Variants in PCCB observed in about 807,000 individuals in gnomAD.
The protein encoded by PCCB is propionyl-CoA carboxylase subunit beta.
In PCCB, 43 loss-of-function variants were observed where a neutral mutation model predicts 60.7. The ratio of observed to expected loss-of-function variants is 0.71; its 90% CI spans 0.55 to 0.91. The LOEUF is 0.91. PCCB is among the 40% of genes least tolerant of loss of function. The probability of loss-of-function intolerance (pLI) is 0.00; values close to 1 mark genes in which losing one functional copy is unlikely to be tolerated. For missense variants in PCCB, 766 were observed against 702.8 expected (o/e 1.09, Z -1.02); for synonymous variants, 276 against 255.9 (o/e 1.08, Z -0.75).
intron 9 of PCCB, among the ~76,000 whole-genome samples, chr3:136,308,339 T>G (rs897268820): frequency 6.6e-6 from 1 of 151,358 alleles, no homozygotes; most frequent in Non-Finnish European, 1.5e-5. Context: ...GTTCAAGTGA[T>G]TCTCCTGCCT....
chr3:136,327,226 G>T lies in PCCB; in HGVS notation c.1270G>T (p.Val424Leu). Reference sequence around the variant, plus strand: ...TCTCTACGCATTTGCTGAGGCAACTGTACCCAAAGTCACAGTCATCACCAG... The same window carrying T: ...TCTCTACGCATTTGCTGAGGCAACTTTACCCAAAGTCACAGTCATCACCAG... ...KLLYAFAEAT[V>L]PKVTVITRKA... is the part of the protein sequence containing the mutation. The change falls in exon 12 of 15, where the codon GTA becomes TTA. Residue 424 changes from valine to leucine, a missense_variant. By Grantham distance (32) the Val-to-Leu change is conservative (BLOSUM62 1). Coordinates refer to ENST00000251654, the MANE Select transcript of PCCB (RefSeq NM_000532.5). The T allele has an allele frequency of 6.2e-7, 1 of 1,614,144 alleles. No individual in the cohort carries two copies. Among genetic ancestry groups the T allele is most frequent in the Non-Finnish European group, 8.5e-7 (1 of 1,179,966 alleles).
intron 5 of PCCB, among the ~76,000 whole-genome samples, chr3:136,269,083 C>G (rs1942116544): frequency 6.6e-6 from 1 of 152,028 alleles, no homozygotes. Context: ...AAGTTCGAGA[C>G]TAGCCTGGCT....
chr3:136,268,122 GTA>G (rs1410337209), intron 5 of PCCB, among the ~76,000 whole-genome samples: 38 of 74,840 alleles, frequency 5.1e-4, no homozygotes, highest in Middle Eastern at 6.6e-3. Context: ...ATATATATAT[GTA>G]TATATATATA....
At chr3:136,319,386 ATT>A (rs796339351) in intron 10 of PCCB, among the ~76,000 whole-genome samples, 9 of 138,228 alleles carry the variant, frequency 6.5e-5, no homozygotes, top group Admixed American at 7.2e-5. Context: ...TTGATACACA[ATT>A]TTTTTTTTTT....
intron 7 of PCCB, 37 bp downstream of exon 7, chr3:136,293,901 C>T (rs1933817563): frequency 8.2e-7 from 1 of 1,222,752 alleles, no homozygotes; most frequent in Admixed American, 1.7e-5. Context: ...TGTTTTCAAA[C>T]ATTGAGAAGA....
chr3:136,253,565 A>G (rs1941583511), intron 1 of PCCB, among the ~76,000 whole-genome samples: 1 of 150,706 alleles, frequency 6.6e-6, no homozygotes, highest in Non-Finnish European at 1.5e-5. Context: ...TTGTATTTTT[A>G]GTAGAGACGG....
At position 136,301,111 on chromosome 3, in the gene PCCB, T is replaced by C. The variant is rs1269805994; in HGVS notation, c.966T>C (p.Ser322=). ...ACAACATGGTGGACATCATACACTC[T>C]GTAAGTGCCACATCTGTTTGTCTTG... ...KAYNMVDIIH[S]VVDEREFFEI... is the part of the protein sequence containing the mutation. The change falls in exon 9 of 15, where the codon TCT becomes TCC. Residue 322 remains serine (S), a splice_region_variant and synonymous_variant. Coordinates refer to ENST00000251654, the MANE Select transcript of PCCB (RefSeq NM_000532.5). The C allele has an allele frequency of 1.8e-5, 29 of 1,610,152 alleles. No individual in the cohort carries two copies. Among genetic ancestry groups the C allele is most frequent in the Non-Finnish European group, 2.4e-5 (28 of 1,176,282 alleles).
chr3:136,311,204 T>C (rs755862296), intron 9 of PCCB, among the ~76,000 whole-genome samples: 20 of 152,104 alleles, frequency 1.3e-4, no homozygotes, highest in Non-Finnish European at 1.8e-4. Flanking sequence ...AAACAATACT[T>C]GAGGAACAGG....
chr3:136,328,395 C>A (rs188898253), intron 13 of PCCB, among the ~76,000 whole-genome samples: 15 of 152,262 alleles, frequency 9.9e-5, no homozygotes, highest in Non-Finnish European at 1.9e-4. Context: ...CATTTAATTC[C>A]CCTTGATACA....
At chr3:136,283,174 T>C (rs181842867) in intron 5 of PCCB, among the ~76,000 whole-genome samples, 77 of 152,316 alleles carry the variant, frequency 5.1e-4, no homozygotes, top group Non-Finnish European at 3.2e-4. Flanking sequence ...AATTTGGAAG[T>C]AGGGCAAAGA....
chr3:136,327,122 TGTGGGTATCTA>T, intron 11 of PCCB, 22 bp from the exon 12 acceptor site: 4 of 1,583,976 alleles, frequency 2.5e-6, no homozygotes, highest in Non-Finnish European at 3.5e-6. Context: ...TGTGAGGACT[TGTGGGTATCTA>T]GTAACTCTTC....
At position 136,283,915 on chromosome 3, in the gene PCCB, C is replaced by T. The variant is rs750408713; in HGVS notation, c.622C>T (p.Pro208Ser). The T allele has an allele frequency of 1.2e-6, 2 of 1,613,050 alleles. No homozygotes were observed. The highest frequency in any genetic ancestry group is 1.7e-6 in the Non-Finnish European group (2 of 1,179,120). Residue 208 changes from proline to serine, a missense_variant, in exon 6 of 15, where the codon CCA becomes TCA. Physicochemically the swap from Pro to Ser is moderately conservative, Grantham distance 74. Transcript: ENST00000251654. Reference protein sequence around the residue: ...GPCAGGAVYSPALTDFTFMVK... With the variant: ...GPCAGGAVYSSALTDFTFMVK... ...ATGTGCTGGTGGGGCCGTCTACTCCCCAGCCCTAACAGACTTCACGTTCAT... is the reference window on the plus strand; with the variant it reads ...ATGTGCTGGTGGGGCCGTCTACTCCTCAGCCCTAACAGACTTCACGTTCAT...
chr3:136,304,318 C>G (rs1321512173), intron 9 of PCCB, among the ~76,000 whole-genome samples: 2 of 120,102 alleles, frequency 1.7e-5, no homozygotes, highest in African/African-American at 5.0e-5. Context: ...CCACATCTGG[C>G]TAATTTTAAA....
In PCCB at chr3:136,264,430, A is replaced by G. The variant is rs534951511; in HGVS notation, c.543+2365A>G. 3.7e-3 allele frequency among the ~76,000 whole-genome samples: 481 copies of G among 129,360 alleles called. 6 individuals carry two copies. The highest frequency in any genetic ancestry group is 0.013 in the African/African-American group (392 of 30,430). The allele number at this position is 129,360 out of a possible 152,430, so 84.9% of individuals were successfully genotyped here. A position where few individuals can be genotyped will look rare whatever the true frequency, so the allele number is the denominator to read the frequency against. On this transcript the variant is annotated intron_variant, in intron 5 of 14. Transcript: ENST00000251654. The stretch of plus-strand genomic sequence containing the variant: ...CTTTCTGTCTCTGTCTCTCATATAT[A>G]TGTGTGTGTGTATATATGTATATAT...
At chr3:136,287,391 G>A (rs1933467116) in intron 6 of PCCB, among the ~76,000 whole-genome samples, 1 of 150,066 alleles carries the variant, frequency 6.7e-6, no homozygotes, top group Admixed American at 6.7e-5. Context: ...TAGCTGTGTA[G>A]TAAGTGTGTG....
intron 3 of PCCB, chr3:136,260,053 A>C (rs968271649): frequency 4.5e-5 from 12 of 268,168 alleles, no homozygotes; most frequent in Non-Finnish European, 7.1e-5. Context: ...TGCCCGGGCA[A>C]CTTTTTTTGT....
rs1553774114 is a variant in PCCB at position 136,256,570 on chromosome 3, G to A, written c.319G>A (p.Val107Met). 3.7e-6 allele frequency: 6 copies of A among 1,612,552 alleles called. No homozygotes were observed. Among genetic ancestry groups the A allele is most frequent in the Non-Finnish European group, 5.1e-6 (6 of 1,178,606 alleles). Residue 107 changes from valine to methionine, a missense_variant, in exon 3 of 15, where the codon GTG (valine) becomes ATG (methionine). Transcript: ENST00000251654. Reference protein sequence around the residue: ...ADKNKFPGDSVVTGRGRINGR... With the variant: ...ADKNKFPGDSMVTGRGRINGR... ...TTTCTGGTAGTTTCCTGGAGACAGC[G>A]TGGTCACTGGACGAGGCCGAATCAA...
intron 3 of PCCB, among the ~76,000 whole-genome samples, chr3:136,257,067 C>G (rs541244336): frequency 6.6e-6 from 1 of 152,232 alleles, no homozygotes; most frequent in East Asian, 1.9e-4. Context: ...CAGGGTGCAT[C>G]AAGACAGATA....
rs896038982 is a variant in PCCB, at chr3:136,256,207, T to C, written c.303+232T>C. 6.7e-6 allele frequency: 4 copies of C among 600,290 alleles called. No individual in the cohort carries two copies. In the Admixed American group the frequency reaches 8.8e-5, roughly 13 times the overall value. The allele number at this position is 600,290 out of a possible 1,614,324, so 37.2% of individuals were successfully genotyped here. On this transcript the variant is annotated intron_variant, in intron 2 of 14. Transcript: ENST00000251654. ...ATCCACCCACCTCGGACTCCCAAAG[T>C]GTTGGGACTACAGGCGTGAGCGACC...
Sources: gnomAD v4.1 joint callset for allele counts (sites outside exome capture counted in the v4.1 genomes callset) on GRCh38, gnomAD v4.1.1 for gene constraint, MANE v1.5 for transcripts, NCBI Gene and HGNC (gene_info 2026-07-23, HGNC 2026-07-21) for gene names.